PLCB4: variants seen among roughly 807,000 people sequenced by gnomAD.
The protein encoded by PLCB4 is 1-phosphatidylinositol 4,5-bisphosphate phosphodiesterase beta-4.
A neutral mutation model predicts 178.8 loss-of-function variants in PLCB4; 77 were observed. That is an observed-to-expected ratio of 0.43 (90% CI 0.36 to 0.52). The LOEUF (loss-of-function observed/expected upper bound fraction) is 0.52. Among genes scored for constraint, PLCB4 ranks in the 20% least tolerant of loss-of-function variants. The pLI is 0.00. For missense variants in PLCB4, 1,024 were observed against 1,453.4 expected (o/e 0.70, Z 4.80); for synonymous variants, 496 against 490.8 (o/e 1.01, Z -0.14).
At chr20:9,093,649 G>A (rs552092600) in intron 1 of PLCB4, among the ~76,000 whole-genome samples, 1 of 151,512 alleles carries the variant, frequency 6.6e-6, no homozygotes, top group Non-Finnish European at 1.5e-5. Flanking sequence ...GGAATGTGAG[G>A]TTCTTCTGGC....
intron 2 of PLCB4, among the ~76,000 whole-genome samples, chr20:9,189,274 T>C (rs199614035): frequency 3.3e-3 from 135 of 40,944 alleles, no homozygotes; most frequent in Non-Finnish European, 4.0e-3. Flanking sequence ...TAATTGTTCA[T>C]TGTGGAGGGC....
intron 2 of PLCB4, among the ~76,000 whole-genome samples, chr20:9,210,270 G>C (rs772603631): frequency 2.0e-5 from 3 of 152,184 alleles, no homozygotes; most frequent in Admixed American, 1.3e-4. Context: ...ATGACAGATA[G>C]AGGTAAGTTT....
At chr20:9,399,741 G>C (rs1427276505) in intron 19 of PLCB4, among the ~76,000 whole-genome samples, 2 of 152,340 alleles carry the variant, frequency 1.3e-5, no homozygotes, top group Non-Finnish European at 2.9e-5. Flanking sequence ...CTTGTTTGGG[G>C]TATGCCCCTT....
At chr20:9,227,278 C>T (rs1002012870) in intron 3 of PLCB4, among the ~76,000 whole-genome samples, 2 of 151,928 alleles carry the variant, frequency 1.3e-5, no homozygotes, top group African/African-American at 4.8e-5. Context: ...TTCTTGATAA[C>T]ATCTTTTGAT....
At chr20:9,237,505 T>G (rs1478112875) in intron 3 of PLCB4, among the ~76,000 whole-genome samples, 1 of 152,174 alleles carries the variant, frequency 6.6e-6, no homozygotes, top group African/African-American at 2.4e-5. Flanking sequence ...AGGAGCTTGT[T>G]AGAGATGCCA....
At chr20:9,244,794 A>G (rs564559408) in intron 3 of PLCB4, among the ~76,000 whole-genome samples, 1 of 152,234 alleles carries the variant, frequency 6.6e-6, no homozygotes, top group Non-Finnish European at 1.5e-5. Flanking sequence ...TTGAATTCTG[A>G]TAGTAAATAG....
intron 3 of PLCB4, among the ~76,000 whole-genome samples, chr20:9,240,791 G>A (rs999594072): frequency 6.6e-6 from 1 of 152,040 alleles, no homozygotes; most frequent in African/African-American, 2.4e-5. Context: ...ATTTGATTGG[G>A]GGGTTGGGAG....
chr20:9,197,867 T>G (rs1045779703), intron 2 of PLCB4, among the ~76,000 whole-genome samples: 2 of 151,962 alleles, frequency 1.3e-5, no homozygotes, highest in African/African-American at 4.8e-5. Context: ...CCCAGCTACT[T>G]GGGAGGCTGA....
intron 3 of PLCB4, among the ~76,000 whole-genome samples, chr20:9,276,307 A>T (rs2094450101): frequency 6.6e-6 from 1 of 152,002 alleles, no homozygotes; most frequent in Non-Finnish European, 1.5e-5. Flanking sequence ...AGAGGAAGGG[A>T]TGTTCCTGGG....
intron 2 of PLCB4, among the ~76,000 whole-genome samples, chr20:9,199,667 A>G (rs528560576): frequency 6.6e-6 from 1 of 152,342 alleles, no homozygotes; most frequent in African/African-American, 2.4e-5. Flanking sequence ...ACACTAGGTT[A>G]TATTCATAAC....
intron 2 of PLCB4, among the ~76,000 whole-genome samples, chr20:9,140,980 T>C (rs1173412244): frequency 1.3e-5 from 2 of 152,022 alleles, no homozygotes; most frequent in Non-Finnish European, 2.9e-5. Context: ...GGACATAGTT[T>C]ATTGGGGACT....
chr20:9,225,459 G>A (rs766919839), intron 3 of PLCB4, among the ~76,000 whole-genome samples: 3 of 152,146 alleles, frequency 2.0e-5, no homozygotes, highest in South Asian at 2.1e-4. Context: ...TGTAACAGTC[G>A]AGTCTAGAAA....
At chr20:9,233,227 A>C (rs1038967465) in intron 3 of PLCB4, among the ~76,000 whole-genome samples, 1 of 152,152 alleles carries the variant, frequency 6.6e-6, no homozygotes, top group African/African-American at 2.4e-5. Context: ...TGACCTAAAA[A>C]AATTTTATGT....
chr20:9,178,304 G>A (rs1027152427), intron 2 of PLCB4, among the ~76,000 whole-genome samples: 55 of 152,116 alleles, frequency 3.6e-4, no homozygotes, highest in Admixed American at 3.3e-3. Context: ...CTGGGCAATA[G>A]GAGTGAGACT....
intron 36 of PLCB4, among the ~76,000 whole-genome samples, chr20:9,470,837 A>C (rs1282607021): frequency 6.6e-6 from 1 of 152,216 alleles, no homozygotes; most frequent in Non-Finnish European, 1.5e-5. Flanking sequence ...CTACTCTGCT[A>C]TCTCTTATAA....
chr20:9,461,811 C>T (rs2043414903), intron 35 of PLCB4, among the ~76,000 whole-genome samples: 1 of 152,208 alleles, frequency 6.6e-6, no homozygotes, highest in South Asian at 2.1e-4. Context: ...TCTATAGACA[C>T]CATCTCTGTG....
intron 19 of PLCB4, among the ~76,000 whole-genome samples, chr20:9,401,070 A>G (rs770802612): frequency 1.3e-5 from 2 of 152,202 alleles, no homozygotes; most frequent in Admixed American, 6.5e-5. Context: ...CTCTTTCAAA[A>G]TTATCCGATG....
intron 2 of PLCB4, among the ~76,000 whole-genome samples, chr20:9,182,428 T>G (rs182393906): frequency 6.6e-6 from 1 of 152,262 alleles, no homozygotes; most frequent in East Asian, 1.9e-4. Context: ...TTGTCTAAAA[T>G]TGAGGGTTTT....
chr20:9,109,038 G>A (rs75933197), intron 2 of PLCB4, among the ~76,000 whole-genome samples: 2,953 of 152,206 alleles, frequency 0.019, 77 homozygotes, highest in African/African-American at 0.04. Flanking sequence ...AAAAAAAAGT[G>A]TTAGCTGCTC....
Sources: allele counts gnomAD v4.1 joint callset (sites outside exome capture counted in the v4.1 genomes callset), GRCh38; gene constraint gnomAD v4.1.1; transcripts MANE v1.5; gene names NCBI Gene and HGNC (gene_info 2026-07-23, HGNC 2026-07-21).